Variants in FAM174B observed in about 807,000 individuals in gnomAD.
The protein encoded by FAM174B is membrane protein FAM174B.
In FAM174B, 12 loss-of-function variants were observed where a neutral mutation model predicts 10.9. The observed-to-expected ratio is 1.10, with a 90% CI of 0.71 to 1.79. FAM174B has a LOEUF of 1.79. FAM174B is among the 40% of genes most tolerant of loss of function. The probability of loss-of-function intolerance (pLI) is 0.00; values close to 1 mark genes in which losing one functional copy is unlikely to be tolerated. For missense variants in FAM174B, 266 were observed against 233.3 expected (o/e 1.14, Z -0.91); for synonymous variants, 132 against 115.8 (o/e 1.14, Z -0.90).
At chr15:92,635,480 C>A (rs544056994) in intron 1 of FAM174B, among the ~76,000 whole-genome samples, 20 of 151,692 alleles carry the variant, frequency 1.3e-4, no homozygotes, top group African/African-American at 4.8e-4. Context: ...AGGGTCTTCG[C>A]GGATGGTAGC....
At chr15:92,649,492 T>C (rs1023455772) in intron 1 of FAM174B, among the ~76,000 whole-genome samples, 7 of 152,210 alleles carry the variant, frequency 4.6e-5, no homozygotes, top group Admixed American at 1.3e-4. Context: ...ATTACATCTG[T>C]TTTCAGAATC....
chr15:92,619,337 T>C lies in FAM174B; in HGVS notation c.*119A>G, dbSNP rs546829725. ...CACGATGGAGCTGGGGTTTTATACA[T>C]AACGTTCGTTTTGGTTTCAACACCT... On this transcript the variant is annotated 3_prime_UTR_variant, in exon 3 of 3. Transcript: ENST00000327355. 679 of 1,115,192 alleles carry C rather than the reference T, an allele frequency of 6.1e-4. 11 individuals carry two copies. The South Asian group carries it at 8.3e-3, about 14-fold the overall frequency. The allele number at this position is 1,115,192 out of a possible 1,614,324, so 69.1% of individuals were successfully genotyped here. A position where few individuals can be genotyped will look rare whatever the true frequency, so the allele number is the denominator to read the frequency against.
intron 1 of FAM174B, among the ~76,000 whole-genome samples, chr15:92,653,402 C>T (rs576554148): frequency 6.6e-6 from 1 of 152,328 alleles, no homozygotes; most frequent in African/African-American, 2.4e-5. Context: ...AATACACAGC[C>T]TTGTGGACTC....
intron 1 of FAM174B, among the ~76,000 whole-genome samples, chr15:92,652,599 G>C (rs2050973856): frequency 6.6e-6 from 1 of 152,162 alleles, no homozygotes; most frequent in Non-Finnish European, 1.5e-5. Flanking sequence ...TCCTGCAGTT[G>C]AGGGAGGACA....
Position 92,630,301 on chromosome 15 carries a change from G to A in FAM174B, c.389C>T (p.Thr130Ile), listed in dbSNP as rs774589399. The change falls in exon 2 of 3, where the codon ACC (threonine) becomes ATC (isoleucine). Residue 130 changes from threonine (T) to isoleucine (I), a missense_variant. Thr to Ile is a moderately conservative substitution (Grantham distance 89, BLOSUM62 -1). Transcript: ENST00000327355. ...CATTTCCACTCGCTCTGCTGGAGTG[G>A]TGATGATATCATACTTGCGTGTCTT... ...LKKTRKYDII[T>I]TPAERVEMAP... 2 of 1,613,580 alleles carry A rather than the reference G, an allele frequency of 1.2e-6. No homozygotes were observed. Among genetic ancestry groups the A allele is most frequent in the East Asian group, 4.5e-5 (2 of 44,886 alleles).
rs572666190 is a variant in FAM174B at position 92,643,132 on chromosome 15, A to G, written c.344+12184T>C. 2.2e-3 allele frequency among the ~76,000 whole-genome samples: 74 copies of G among 33,924 alleles called. No homozygotes were observed. In the Admixed American group the frequency reaches 0.029, roughly 13 times the overall value. 22.3% of individuals were successfully genotyped at this position (33,924 alleles called of 152,430 possible). On this transcript the variant is annotated intron_variant, in intron 1 of 2. Coordinates refer to ENST00000327355, the MANE Select transcript of FAM174B (RefSeq NM_207446.3). ...TAAAAACCATTGAGTTGGACACTTT[A>G]TTTGTTTTTTTTTTTTAAGAGAGGT...
intron 2 of FAM174B, among the ~76,000 whole-genome samples, chr15:92,622,921 C>T (rs1221199919): frequency 1.3e-5 from 2 of 152,088 alleles, no homozygotes; most frequent in African/African-American, 4.8e-5. Context: ...TTCGGGAGGC[C>T]AAGATGGGCA....
At chr15:92,646,266 C>A (rs2050926653) in intron 1 of FAM174B, among the ~76,000 whole-genome samples, 1 of 152,124 alleles carries the variant, frequency 6.6e-6, no homozygotes, top group Non-Finnish European at 1.5e-5. Context: ...GTATTAAAAT[C>A]CTCCATTTGC....
At chr15:92,632,710 C>G (rs912455272) in intron 1 of FAM174B, among the ~76,000 whole-genome samples, 1 of 151,410 alleles carries the variant, frequency 6.6e-6, no homozygotes, top group Admixed American at 6.6e-5. Flanking sequence ...GTAGTAGAGA[C>G]GAGGTCTTGT....
rs556778044 is a variant in FAM174B at position 92,634,845 on chromosome 15, T to C, written c.345-4500A>G. 2.6e-5 allele frequency among the ~76,000 whole-genome samples: 4 copies of C among 152,256 alleles called. No homozygotes were observed. The South Asian group carries it at 8.3e-4, about 32-fold the overall frequency. On this transcript the variant is annotated intron_variant, in intron 1 of 2. Coordinates refer to ENST00000327355, the MANE Select transcript of FAM174B (RefSeq NM_207446.3). ...CCATCCATGCAGTTGAAGGCTTGAA[T>C]AGAACAAAAAAACACAGCTTTCCCT...
chr15:92,654,544 G>A (rs879050359), intron 1 of FAM174B, among the ~76,000 whole-genome samples: 1 of 152,248 alleles, frequency 6.6e-6, no homozygotes, highest in Non-Finnish European at 1.5e-5. Flanking sequence ...ATCCCTGAAC[G>A]TGAGCAACCT....
In FAM174B at chr15:92,655,620, G is replaced by T. The variant is rs555715845; in HGVS notation, c.40C>A (p.Leu14Met). ...VPLPAPLLPL[L>M]LLALLAAPAA... ...GGAGCGGCCAGGAGCGCGAGCAGCAGCAGCGGCAGGAGCGGGGCGGGCAGC... is the reference window on the plus strand; with the variant it reads ...GGAGCGGCCAGGAGCGCGAGCAGCATCAGCGGCAGGAGCGGGGCGGGCAGC... Residue 14 changes from leucine to methionine, a missense_variant, in exon 1 of 3, where the codon CTG becomes ATG. Leu to Met is a conservative substitution (Grantham distance 15, BLOSUM62 2). Coordinates refer to ENST00000327355, the MANE Select transcript of FAM174B (RefSeq NM_207446.3). 11 of 1,266,284 alleles carry T rather than the reference G, an allele frequency of 8.7e-6. No individual in the cohort carries two copies. In the African/African-American group the frequency reaches 1.7e-4, roughly 20 times the overall value. The allele number at this position is 1,266,284 out of a possible 1,614,324, so 78.4% of individuals were successfully genotyped here.
At position 92,621,929 on chromosome 15, in the gene FAM174B, G is replaced by A. The variant is rs564318843; in HGVS notation, c.477-2470C>T. 1.3e-4 allele frequency among the ~76,000 whole-genome samples: 20 copies of A among 152,284 alleles called. 1 individual carries two copies. The South Asian group carries it at 1.9e-3, about 14-fold the overall frequency. ...TGCATCTTGCTGGAAGGTCAATGTCGAGGATGAAGGGTGGGGGCACAGGAA... is the reference window on the plus strand; with the variant it reads ...TGCATCTTGCTGGAAGGTCAATGTCAAGGATGAAGGGTGGGGGCACAGGAA... On this transcript the variant is annotated intron_variant, in intron 2 of 2. Coordinates refer to ENST00000327355, the MANE Select transcript of FAM174B (RefSeq NM_207446.3).
At chr15:92,642,879 A>G (rs1056191320) in intron 1 of FAM174B, among the ~76,000 whole-genome samples, 5 of 152,234 alleles carry the variant, frequency 3.3e-5, no homozygotes, top group Admixed American at 6.5e-5. Flanking sequence ...CATGCCACAC[A>G]TAGATGAACC....
intron 1 of FAM174B, among the ~76,000 whole-genome samples, chr15:92,654,801 AG>A (rs1469508900): frequency 1.3e-4 from 12 of 89,752 alleles, no homozygotes; most frequent in South Asian, 8.0e-4. Context: ...AAAAAAAAAA[AG>A]AAGAAGAAGA....
intron 2 of FAM174B, among the ~76,000 whole-genome samples, chr15:92,628,539 G>A (rs536644016): frequency 1.3e-5 from 2 of 151,992 alleles, no homozygotes; most frequent in African/African-American, 4.8e-5. Flanking sequence ...CAGGTACAGA[G>A]GGCCAACTGT....
In FAM174B at chr15:92,619,021, G is replaced by A; in HGVS notation, c.*435C>T. The A allele has an allele frequency of 6.6e-6, 4 of 603,772 alleles. No individual in the cohort carries two copies. The highest frequency in any genetic ancestry group is 2.9e-5 in the Admixed American group (1 of 34,814). 37.4% of individuals were successfully genotyped at this position (603,772 alleles called of 1,614,324 possible). On this transcript the variant is annotated 3_prime_UTR_variant, in exon 3 of 3. Transcript: ENST00000327355. ...AGATGGGGTCCAATGTGTAGATCCAGTAGAGAAGAATGTCGGAAATTCTAA... is the reference window on the plus strand; with the variant it reads ...AGATGGGGTCCAATGTGTAGATCCAATAGAGAAGAATGTCGGAAATTCTAA...
At chr15:92,637,030 C>T (rs2050860490) in intron 1 of FAM174B, among the ~76,000 whole-genome samples, 1 of 152,246 alleles carries the variant, frequency 6.6e-6, no homozygotes, top group South Asian at 2.1e-4. Flanking sequence ...CTCCTTTTGG[C>T]ATCTGTATCC....
intron 1 of FAM174B, among the ~76,000 whole-genome samples, chr15:92,651,723 C>T (rs975225516): frequency 3.9e-5 from 6 of 152,250 alleles, no homozygotes; most frequent in African/African-American, 1.4e-4. Context: ...AACAGAGCTT[C>T]TCTGAATATC....
Sources: gnomAD v4.1 joint callset for allele counts (sites outside exome capture counted in the v4.1 genomes callset) on GRCh38, gnomAD v4.1.1 for gene constraint, MANE v1.5 for transcripts, NCBI Gene and HGNC (gene_info 2026-07-23, HGNC 2026-07-21) for gene names.